Variants in SEZ6L2 observed in about 807,000 individuals in gnomAD.
SEZ6L2 encodes seizure 6-like protein 2.
Under a neutral mutation model 97.0 loss-of-function variants are expected in SEZ6L2, and 44 were observed. The ratio of observed to expected loss-of-function variants is 0.45; its 90% CI spans 0.36 to 0.58. The LOEUF (loss-of-function observed/expected upper bound fraction) is 0.58. Among genes scored for constraint, SEZ6L2 ranks in the 20% least tolerant of loss-of-function variants. The probability of loss-of-function intolerance (pLI) is 0.00; values close to 1 mark genes in which losing one functional copy is unlikely to be tolerated. For synonymous variants in SEZ6L2, 543 were observed against 546.1 expected (o/e 0.99, Z 0.08); for missense variants, 1,086 against 1,233.3 (o/e 0.88, Z 1.79).
At chr16:29,872,804 G>A in intron 14 of SEZ6L2, 61 bp from the exon 15 acceptor site, 1 of 1,399,744 alleles carries the variant, frequency 7.1e-7, no homozygotes, top group Non-Finnish European at 9.9e-7. Flanking sequence ...AGGCTGGGAG[G>A]GGCCGGGAGC....
rs1465293846 is a variant in SEZ6L2, at chr16:29,885,705, T to G, written c.1253A>C (p.Tyr418Ser). The change falls in exon 8 of 18, where the codon TAT becomes TCT. Residue 418 changes from tyrosine (Y) to serine (S), a missense_variant. By Grantham distance (144) the Tyr-to-Ser change is moderately radical. Transcript: ENST00000617533. The stretch of plus-strand genomic sequence containing the variant: ...GGGGACATCGTCCATGTCCGAATCA[T>G]AGATCACGGGGGATAGGGGGCTGCC... ...SGGSPLSPVIYDSDMDDVPER... is the reference protein window; with the variant it reads ...SGGSPLSPVISDSDMDDVPER... 6.2e-7 allele frequency: 1 copy of G among 1,613,798 alleles called. No individual in the cohort carries two copies. Among genetic ancestry groups the G allele is most frequent in the Admixed American group, 1.7e-5 (1 of 59,978 alleles).
In SEZ6L2 at chr16:29,878,330, C is replaced by T. The variant is rs1161019964; in HGVS notation, c.1669G>A (p.Val557Met). ...YSPGQDCVWG[V>M]HVQEEKRILL... Reference sequence around the variant, plus strand: ...ATGCGCTTCTCTTCCTGGACGTGCACGCCCCACACGCAGTCTTGGCCCGGG... The same window carrying T: ...ATGCGCTTCTCTTCCTGGACGTGCATGCCCCACACGCAGTCTTGGCCCGGG... The change falls in exon 10 of 18, where the codon GTG becomes ATG. Residue 557 changes from valine to methionine, a missense_variant. By Grantham distance (21) the Val-to-Met change is conservative. Coordinates refer to ENST00000617533, the MANE Select transcript of SEZ6L2 (RefSeq NM_001243332.2). 1.9e-6 allele frequency: 3 copies of T among 1,600,158 alleles called. No individual in the cohort carries two copies. Among genetic ancestry groups the T allele is most frequent in the Non-Finnish European group, 1.7e-6 (2 of 1,172,822 alleles).
intron 8 of SEZ6L2, among the ~76,000 whole-genome samples, chr16:29,882,149 T>C (rs948686431): frequency 2.6e-5 from 4 of 151,566 alleles, no homozygotes; most frequent in African/African-American, 9.7e-5. Context: ...TTCTGTGTTT[T>C]TAGTAGAAAT....
intron 8 of SEZ6L2, among the ~76,000 whole-genome samples, chr16:29,884,936 G>T (rs1368743214): frequency 1.3e-5 from 2 of 150,952 alleles, no homozygotes; most frequent in Admixed American, 6.6e-5. Context: ...GGCCGGGCGC[G>T]GTGGCTCACT....
rs2067833584 is a variant in SEZ6L2, at chr16:29,873,537, C to T, written c.2296+1G>A. ...CCTCCCAGGGTGTGCCCCAGACTCA[C>T]AGGCGCATTTGGGGACCCTATCGCT... On this transcript the variant is annotated splice_donor_variant, in intron 13 of 17. Transcript: ENST00000617533. LOFTEE classifies it high-confidence loss of function. This position sits in a 1 kb window ranked among gnomAD's most constrained non-coding sequence, Gnocchi z 4.3. The T allele has an allele frequency of 6.2e-7, 1 of 1,614,058 alleles. No individual in the cohort carries two copies. Among genetic ancestry groups the T allele is most frequent in the Non-Finnish European group, 8.5e-7 (1 of 1,180,024 alleles).
At chr16:29,880,098 AG>A (rs747458854) in intron 8 of SEZ6L2, 34 bp from the exon 9 acceptor site, 1 of 1,603,954 alleles carries the variant, frequency 6.2e-7, no homozygotes. Flanking sequence ...ATTAAGCATT[AG>A]GACAGGCCTC....
In SEZ6L2 at chr16:29,871,386, G is replaced by A; in HGVS notation, c.*313C>T. 1 of 500,820 alleles carries A rather than the reference G, an allele frequency of 2.0e-6. No homozygotes were observed. The highest frequency in any genetic ancestry group is 2.2e-5 in the South Asian group (1 of 46,312). The allele number at this position is 500,820 out of a possible 1,614,324, so 31.0% of individuals were successfully genotyped here. A position where few individuals can be genotyped will look rare whatever the true frequency, so the allele number is the denominator to read the frequency against. On this transcript the variant is annotated 3_prime_UTR_variant, in exon 18 of 18. Transcript: ENST00000617533. ...AGTAGAGCTATCGGGGGCAGTCCTT[G>A]AGGGGTGCCCTGGGCAGGAGGGGCT... is the stretch of plus-strand genomic sequence containing the variant.
At chr16:29,897,157 A>C in intron 2 of SEZ6L2, 36 bp from the exon 3 acceptor site, 2 of 1,475,912 alleles carry the variant, frequency 1.4e-6, no homozygotes, top group South Asian at 2.6e-5. Context: ...GCACAGGAGG[A>C]GCACATGGAG....
At chr16:29,888,821 C>A (rs1489228020) in intron 5 of SEZ6L2, 96 bp from the exon 6 acceptor site, 2 of 1,121,922 alleles carry the variant, frequency 1.8e-6, no homozygotes, top group East Asian at 2.6e-5. Context: ...TTCAGGCCAA[C>A]CTTCCAGGGG....
In SEZ6L2 at chr16:29,888,680, T is replaced by C. The variant is rs1259431300; in HGVS notation, c.899A>G (p.Asp300Gly). ...AGGGTGCAGGTCCGTCACACTCACG[T>C]CCCCATGGGCCGGCCGGGGAGGGAA... ...CGFPPRPAHG[D>G]VSVTDLHPGG... is the part of the protein sequence containing the mutation. The change falls in exon 6 of 18, where the codon GAC (aspartate) becomes GGC (glycine). Residue 300 changes from aspartate (D) to glycine (G), a missense_variant. Physicochemically the swap from Asp to Gly is moderately conservative, Grantham distance 94. Transcript: ENST00000617533. The C allele has an allele frequency of 6.2e-7, 1 of 1,613,664 alleles. No homozygotes were observed. The highest frequency in any genetic ancestry group is 1.7e-5 in the Admixed American group (1 of 59,972).
Position 29,872,493 on chromosome 16 carries a change from T to G in SEZ6L2, c.2561A>C (p.Glu854Ala). 6.2e-7 allele frequency: 1 copy of G among 1,614,184 alleles called. No homozygotes were observed. Among genetic ancestry groups the G allele is most frequent in the Non-Finnish European group, 8.5e-7 (1 of 1,180,044 alleles). ...TQTTDPSRQLEGGNLALAILL... is the reference protein window; with the variant it reads ...TQTTDPSRQLAGGNLALAILL... ...GATGGCCAGGGCCAGGTTCCCCCCT[T>G]CCAGCTGCCGTGATGGATCTGTGGT... Residue 854 changes from glutamate to alanine, a missense_variant, in exon 16 of 18, where the codon GAA (glutamate) becomes GCA (alanine). Glu to Ala is a moderately radical substitution (Grantham distance 107). This residue lies in a region of SEZ6L2 where 310 missense variants were observed against 438.6 expected (regional missense o/e 0.71). Transcript: ENST00000617533.
intron 5 of SEZ6L2, 31 bp downstream of exon 5, chr16:29,895,228 G>A (rs748293870): frequency 1.4e-4 from 190 of 1,376,980 alleles, no homozygotes; most frequent in Non-Finnish European, 1.9e-4. Context: ...TATGGCCCCT[G>A]CCCTTCCAGC....
At chr16:29,897,718 G>T in intron 2 of SEZ6L2, 135 bp downstream of exon 2, 1 of 1,087,394 alleles carries the variant, frequency 9.2e-7, no homozygotes, top group Non-Finnish European at 1.3e-6. Context: ...TGTGTTCCCT[G>T]AATCTCACAG....
intron 8 of SEZ6L2, 97 bp from the exon 9 acceptor site, chr16:29,880,161 T>A: frequency 9.1e-7 from 1 of 1,103,542 alleles, no homozygotes; most frequent in Non-Finnish European, 1.3e-6. Context: ...CTTTGGCCAC[T>A]CACTGGGCTT....
intron 8 of SEZ6L2, among the ~76,000 whole-genome samples, chr16:29,880,860 C>A (rs181909287): frequency 2.0e-5 from 3 of 152,006 alleles, no homozygotes; most frequent in African/African-American, 7.2e-5. Flanking sequence ...CTTCTAGGCT[C>A]AAGTGATCCT....
intron 6 of SEZ6L2, 73 bp from the exon 7 acceptor site, chr16:29,887,890 T>A (rs2068182898): frequency 6.6e-7 from 1 of 1,520,494 alleles, no homozygotes; most frequent in African/African-American, 1.4e-5. Context: ...CTCGGCCCGT[T>A]TTCAGAACTG....
chr16:29,889,068 C>A (rs568378697), intron 5 of SEZ6L2, among the ~76,000 whole-genome samples: 2 of 127,162 alleles, frequency 1.6e-5, no homozygotes, highest in African/African-American at 7.2e-5. Flanking sequence ...GAACTTCATC[C>A]AGCTGTAATA....
intron 8 of SEZ6L2, among the ~76,000 whole-genome samples, chr16:29,880,282 C>T (rs1170416643): frequency 6.6e-6 from 1 of 151,746 alleles, no homozygotes; most frequent in African/African-American, 2.4e-5. Flanking sequence ...CATGCCTCAG[C>T]CTCCCAGGTA....
rs776055724 is a variant in SEZ6L2 at position 29,871,648 on chromosome 16, C to T, written c.*51G>A. ...ACCGGGTCCCGTATTTCCCTCTGCCCGAATGAGGAGGGGAGGGGCGTCCTG... is the reference window on the plus strand; with the variant it reads ...ACCGGGTCCCGTATTTCCCTCTGCCTGAATGAGGAGGGGAGGGGCGTCCTG... On this transcript the variant is annotated 3_prime_UTR_variant, in exon 18 of 18. Transcript: ENST00000617533. The T allele has an allele frequency of 2.2e-5, 35 of 1,580,118 alleles. No homozygotes were observed. Among genetic ancestry groups the T allele is most frequent in the Admixed American group, 2.1e-4 (12 of 55,972 alleles).
Sources: gnomAD v4.1 joint callset for allele counts (sites outside exome capture counted in the v4.1 genomes callset) on GRCh38, gnomAD v4.1.1 for gene constraint, gnomAD v4.1.1 regional missense constraint, Gnocchi (gnomAD v3.1) non-coding constraint, MANE v1.5 for transcripts, NCBI Gene and HGNC (gene_info 2026-07-23, HGNC 2026-07-21) for gene names.